The following GGPS1 variants were observed in gnomAD, a reference collection of about 807,000 sequenced individuals.
The protein encoded by GGPS1 is geranylgeranyl pyrophosphate synthase.
Under a neutral mutation model 28.1 loss-of-function variants are expected in GGPS1, and 15 were observed. That is an observed-to-expected ratio of 0.53 (90% CI 0.36 to 0.82). The LOEUF (loss-of-function observed/expected upper bound fraction) is 0.82. Among genes scored for constraint, GGPS1 ranks in the 40% least tolerant of loss-of-function variants. The pLI, the probability that GGPS1 is intolerant of heterozygous loss-of-function variation, is 0.01. For synonymous variants in GGPS1, 138 were observed against 122.4 expected (o/e 1.13, Z -0.84); for missense variants, 284 against 348.3 (o/e 0.82, Z 1.47).
At chr1:235,337,332 TCC>T (rs569876634) in intron 2 of GGPS1, among the ~76,000 whole-genome samples, 178 of 152,166 alleles carry the variant, frequency 1.2e-3, no homozygotes, top group African/African-American at 4.1e-3. Context: ...TTCTGTGACT[TCC>T]TTTTTTTTAA....
chr1:235,334,003 C>T (rs1675796218), intron 1 of GGPS1, among the ~76,000 whole-genome samples: 1 of 152,112 alleles, frequency 6.6e-6, no homozygotes. Context: ...AGAGATTCAA[C>T]AGTACAGGGA....
intron 2 of GGPS1, among the ~76,000 whole-genome samples, chr1:235,339,475 C>T (rs1234080461): frequency 6.6e-6 from 1 of 151,190 alleles, no homozygotes; most frequent in East Asian, 2.0e-4. Context: ...TTCATCTCCA[C>T]AAACAAACAA....
intron 1 of GGPS1, 81 bp from the exon 2 acceptor site, chr1:235,335,161 C>CACACAATACACAATACACAATTCA: frequency 1.5e-6 from 1 of 658,408 alleles, no homozygotes; most frequent in African/African-American, 1.8e-5. Context: ...TCACAAACAC[C>CACACAATACACAATACACAATTCA]CTGCAATACA....
At chr1:235,337,281 G>A (rs1675898340) in intron 2 of GGPS1, among the ~76,000 whole-genome samples, 1 of 152,124 alleles carries the variant, frequency 6.6e-6, no homozygotes, top group Non-Finnish European at 1.5e-5. Context: ...ACTGCCTACA[G>A]TTACATTTTA....
upstream of GGPS1, chr1:235,328,184 C>T (rs899065471): frequency 2.6e-5 from 4 of 152,576 alleles, no homozygotes; most frequent in Admixed American, 2.6e-4. Context: ...GCAAACATCG[C>T]TTCCCCCCCA....
chr1:235,340,652 C>T (rs1676009713), intron 2 of GGPS1, among the ~76,000 whole-genome samples: 2 of 137,994 alleles, frequency 1.4e-5, no homozygotes, highest in African/African-American at 2.7e-5. Context: ...AGGAGAATGG[C>T]GTGAACCCGG....
chr1:235,342,313 G>A lies in GGPS1; in HGVS notation c.444G>A (p.Val148=). 6.2e-7 allele frequency: 1 copy of A among 1,613,932 alleles called. No individual in the cohort carries two copies. Among genetic ancestry groups the A allele is most frequent in the Non-Finnish European group, 8.5e-7 (1 of 1,179,786 alleles). ...CTGAAGAAGAATATAAAGCTATGGTGCTGCAGAAAACAGGTGGACTGTTTG... is the reference window on the plus strand; with the variant it reads ...CTGAAGAAGAATATAAAGCTATGGTACTGCAGAAAACAGGTGGACTGTTTG... The part of the protein sequence containing the change: ...CPTEEEYKAM[V]LQKTGGLFGL... Residue 148 remains valine (V), a synonymous_variant, in exon 4 of 4, where the codon GTG becomes GTA. Coordinates refer to ENST00000282841, the MANE Select transcript of GGPS1 (RefSeq NM_004837.4).
chr1:235,341,976 GT>G (rs768316629), intron 3 of GGPS1, 34 bp from the exon 4 acceptor site: 3 of 1,329,582 alleles, frequency 2.3e-6, no homozygotes, highest in South Asian at 2.8e-5. Context: ...GTTTTGAATA[GT>G]TCAAATAAGT....
In GGPS1 at chr1:235,343,834, T is replaced by C. The variant is rs1054150815; in HGVS notation, c.*1062T>C. On this transcript the variant is annotated 3_prime_UTR_variant, in exon 4 of 4. Transcript: ENST00000282841. ...CTTTGAACCTTATTATATTTCCCCA[T>C]CATTGATAGTGACAATCTTAAAAGG... 1.2e-4 allele frequency: 20 copies of C among 166,978 alleles called. No individual in the cohort carries two copies. Among genetic ancestry groups the C allele is most frequent in the Non-Finnish European group, 2.5e-4 (17 of 68,102 alleles). 10.3% of individuals were successfully genotyped at this position (166,978 alleles called of 1,614,324 possible).
In GGPS1 at chr1:235,342,177, T is replaced by C; in HGVS notation, c.308T>C (p.Val103Ala). The C allele has an allele frequency of 1.2e-6, 2 of 1,614,122 alleles. No individual in the cohort carries two copies. Among genetic ancestry groups the C allele is most frequent in the South Asian group, 2.2e-5 (2 of 91,082 alleles). The change falls in exon 4 of 4, where the codon GTC becomes GCC. Residue 103 changes from valine (V) to alanine (A), a missense_variant. Transcript: ENST00000282841. ...GTGTATTTCCTTGGCTTGGAGAAAG[T>C]CTTAACCCTTGATCACCCAGATGCA... ...NYVYFLGLEK[V>A]LTLDHPDAVK... is the part of the protein sequence containing the mutation.
intron 2 of GGPS1, among the ~76,000 whole-genome samples, chr1:235,338,007 A>G (rs1675918467): frequency 1.3e-5 from 2 of 152,082 alleles, no homozygotes; most frequent in South Asian, 4.1e-4. Context: ...AAGAGAGACA[A>G]TAATGTTTAG....
chr1:235,339,163 G>T (rs929812689), intron 2 of GGPS1, among the ~76,000 whole-genome samples: 1 of 152,038 alleles, frequency 6.6e-6, no homozygotes, highest in African/African-American at 2.4e-5. Flanking sequence ...GCTGGATTTA[G>T]TGGCGCACGA....
chr1:235,340,873 C>T lies in GGPS1; in HGVS notation c.71-835C>T, dbSNP rs899529562. ...GGAATACTTCAGTGCATGATGATCT[C>T]ATTTTTGAAAGGAAAGAAGCAGAGC... On this transcript the variant is annotated intron_variant, in intron 2 of 3. Transcript: ENST00000282841. Among the ~76,000 whole-genome samples, 7 of 151,778 alleles carry T rather than the reference C, an allele frequency of 4.6e-5. No homozygotes were observed. In the East Asian group the frequency reaches 1.3e-3, roughly 29 times the overall value.
At chr1:235,334,247 T>G (rs1675803323) in intron 1 of GGPS1, among the ~76,000 whole-genome samples, 2 of 152,194 alleles carry the variant, frequency 1.3e-5, no homozygotes, top group African/African-American at 4.8e-5. Flanking sequence ...AAGGATATGT[T>G]TACTAATTAG....
intron 1 of GGPS1, chr1:235,330,669 A>G (rs766709092): frequency 3.9e-5 from 6 of 152,254 alleles, no homozygotes; most frequent in Non-Finnish European, 7.3e-5. Context: ...TAGTGTTTTA[A>G]GTTGAAAAAT....
rs1190105103 is a variant in GGPS1 at position 235,342,730 on chromosome 1, A to G, written c.861A>G (p.Leu287=). Reference sequence around the variant, plus strand: ...GTGGGAACCCTGAGCTAGTAGCCTTAGTAAAACACTTAAGTAAGATGTTCA... The same window carrying G: ...GTGGGAACCCTGAGCTAGTAGCCTTGGTAAAACACTTAAGTAAGATGTTCA... ...ARGGNPELVA[L]VKHLSKMFKE... The change falls in exon 4 of 4, where the codon TTA becomes TTG. Residue 287 remains leucine (L), a synonymous_variant. Coordinates refer to ENST00000282841, the MANE Select transcript of GGPS1 (RefSeq NM_004837.4). The G allele has an allele frequency of 1.2e-6, 2 of 1,600,094 alleles. No homozygotes were observed. The highest frequency in any genetic ancestry group is 1.7e-6 in the Non-Finnish European group (2 of 1,174,474).
rs565151826 is a variant in GGPS1 at position 235,343,426 on chromosome 1, C to T, written c.*654C>T. The stretch of plus-strand genomic sequence containing the variant: ...ATTAGCTGGGCGTGGTGGTGGGCGC[C>T]TGTAGTCCCAGCTACTCGGGAGGCT... On this transcript the variant is annotated 3_prime_UTR_variant, in exon 4 of 4. Coordinates refer to ENST00000282841, the MANE Select transcript of GGPS1 (RefSeq NM_004837.4). The T allele has an allele frequency of 1.3e-5, 2 of 158,458 alleles. No individual in the cohort carries two copies. The highest frequency in any genetic ancestry group is 1.3e-4 in the Admixed American group (2 of 15,292). 9.8% of individuals were successfully genotyped at this position (158,458 alleles called of 1,614,324 possible).
At chr1:235,337,431 G>A (rs540529895) in intron 2 of GGPS1, among the ~76,000 whole-genome samples, 2 of 151,936 alleles carry the variant, frequency 1.3e-5, no homozygotes, top group South Asian at 2.1e-4. Flanking sequence ...ATTCAAGTAC[G>A]TTCTTGATCC....
At position 235,335,954 on chromosome 1, in the gene GGPS1, T is replaced by A. The variant is rs543130968; in HGVS notation, c.70+620T>A. Among the ~76,000 whole-genome samples the A allele has an allele frequency of 7.9e-5, 12 of 152,366 alleles. No individual in the cohort carries two copies. The South Asian group carries it at 1.9e-3, about 24-fold the overall frequency. On this transcript the variant is annotated intron_variant, in intron 2 of 3. Coordinates refer to ENST00000282841, the MANE Select transcript of GGPS1 (RefSeq NM_004837.4). ...CTGCATTTCATATACTACTGGTTCC[T>A]TTGAGAGCCAAATAATAATGTATCT... is the stretch of plus-strand genomic sequence containing the variant.
Sources: allele counts gnomAD v4.1 joint callset (sites outside exome capture counted in the v4.1 genomes callset), GRCh38; gene constraint gnomAD v4.1.1; transcripts MANE v1.5; gene names NCBI Gene and HGNC (gene_info 2026-07-23, HGNC 2026-07-21).